ARHGEF7: variants seen among roughly 807,000 people sequenced by gnomAD.
ARHGEF7 encodes the protein PAK-interacting exchange factor beta.
In ARHGEF7, 33 loss-of-function variants were observed where a neutral mutation model predicts 109.8. The observed-to-expected ratio is 0.30, with a 90% CI of 0.23 to 0.40. ARHGEF7 has a LOEUF of 0.40. ARHGEF7 is among the 10% of genes least tolerant of loss of function. ARHGEF7 has a pLI of 1.00. For synonymous variants in ARHGEF7, 458 were observed against 424.6 expected, an observed-to-expected ratio of 1.08 and a Z score of -0.97; for missense variants, 938 against 1,098.5, an observed-to-expected ratio of 0.85 and a Z score of 2.07.
At position 111,299,337 on chromosome 13, in the gene ARHGEF7, A is replaced by ATTT. The variant is rs936360326; in HGVS notation, c.2312-1390_2312-1388dup. Among the ~76,000 whole-genome samples the ATTT allele has an allele frequency of 7.7e-3, 815 of 105,982 alleles. 4 individuals carry two copies. Among genetic ancestry groups the ATTT allele is most frequent in the East Asian group, 0.015 (54 of 3,514 alleles). 69.5% of individuals were successfully genotyped at this position (105,982 alleles called of 152,430 possible). A position where few individuals can be genotyped will look rare whatever the true frequency, so the allele number is the denominator to read the frequency against. On this transcript the variant is annotated intron_variant, in intron 19 of 21. Transcript: ENST00000646102. ...CAGTAAAATGCTGGTGAAGCCATTC[A>ATTT]TTTTTTTTTTTTTTTTTTTTTTTGA... is the stretch of plus-strand genomic sequence containing the variant.
intron 2 of ARHGEF7, among the ~76,000 whole-genome samples, chr13:111,159,300 A>G (rs1462205991): frequency 2.0e-5 from 3 of 152,056 alleles, no homozygotes; most frequent in African/African-American, 4.8e-5. Flanking sequence ...GGACACTTAG[A>G]TTGATTTTAT....
At chr13:111,251,860 C>T (rs994358836) in intron 8 of ARHGEF7, among the ~76,000 whole-genome samples, 3 of 152,242 alleles carry the variant, frequency 2.0e-5, no homozygotes, top group African/African-American at 7.2e-5. Flanking sequence ...CACATACACT[C>T]ATGCATGCAT....
intron 4 of ARHGEF7, among the ~76,000 whole-genome samples, chr13:111,211,701 C>T (rs1253401284): frequency 6.6e-6 from 1 of 152,130 alleles, no homozygotes. Flanking sequence ...TTAGGTTTTT[C>T]TGTGTAGTTT....
intron 9 of ARHGEF7, among the ~76,000 whole-genome samples, chr13:111,269,725 G>A (rs1050662798): frequency 2.0e-5 from 3 of 152,164 alleles, no homozygotes; most frequent in Non-Finnish European, 4.4e-5. Context: ...CGCCACTGTG[G>A]AACATGAAGC....
intron 1 of ARHGEF7, among the ~76,000 whole-genome samples, chr13:111,140,350 C>T (rs771471863): frequency 3.3e-5 from 5 of 152,230 alleles, no homozygotes; most frequent in Admixed American, 2.0e-4. Flanking sequence ...CAGCAGGTGG[C>T]GGGTGGGAAG....
intron 1 of ARHGEF7, among the ~76,000 whole-genome samples, chr13:111,149,147 C>T (rs1038885100): frequency 6.6e-6 from 1 of 151,900 alleles, no homozygotes; most frequent in African/African-American, 2.4e-5. Context: ...CGATGGCTCA[C>T]GCCTGTAATC....
In ARHGEF7 at chr13:111,234,825, C is replaced by T. The variant is rs376695586; in HGVS notation, c.759+1532C>T. Among the ~76,000 whole-genome samples, 44 of 152,200 alleles carry T rather than the reference C, an allele frequency of 2.9e-4. 1 individual carries two copies. The South Asian group carries it at 8.1e-3, about 28-fold the overall frequency. Reference sequence around the variant, plus strand: ...GAAGATCAGACTCCTTTTAGCGCGTCGTGTGGCCCACATTACCCGAGACAC... The same window carrying T: ...GAAGATCAGACTCCTTTTAGCGCGTTGTGTGGCCCACATTACCCGAGACAC... On this transcript the variant is annotated intron_variant, in intron 6 of 21. Transcript: ENST00000646102.
At chr13:111,173,876 T>A (rs539894869) in intron 2 of ARHGEF7, among the ~76,000 whole-genome samples, 1 of 152,330 alleles carries the variant, frequency 6.6e-6, no homozygotes, top group African/African-American at 2.4e-5. Context: ...TTCAGTTTTA[T>A]CAGGCTGCTT....
At chr13:111,224,418 T>C (rs1183599798) in intron 5 of ARHGEF7, among the ~76,000 whole-genome samples, 1 of 152,240 alleles carries the variant, frequency 6.6e-6, no homozygotes, top group African/African-American at 2.4e-5. Flanking sequence ...CAGTTTTCTG[T>C]GTGTGCATGT....
intron 2 of ARHGEF7, among the ~76,000 whole-genome samples, chr13:111,196,383 C>T (rs2080502886): frequency 6.6e-6 from 1 of 152,194 alleles, no homozygotes; most frequent in Non-Finnish European, 1.5e-5. Context: ...AACTCTCGGG[C>T]TGCAGCTAAA....
intron 4 of ARHGEF7, among the ~76,000 whole-genome samples, chr13:111,216,420 G>C: frequency 6.6e-6 from 1 of 151,998 alleles, no homozygotes. Flanking sequence ...GCCACCTGGT[G>C]GGGATAGAGG....
chr13:111,167,892 G>A (rs1432778781), intron 2 of ARHGEF7, among the ~76,000 whole-genome samples: 3 of 152,166 alleles, frequency 2.0e-5, no homozygotes, highest in African/African-American at 7.2e-5. Flanking sequence ...GCGTGACAGC[G>A]ACATAAGGCG....
At chr13:111,119,658 G>T (rs1457546214) in intron 1 of ARHGEF7, among the ~76,000 whole-genome samples, 1 of 152,178 alleles carries the variant, frequency 6.6e-6, no homozygotes, top group African/African-American at 2.4e-5. Flanking sequence ...CTGTAACCTG[G>T]CAGCCCTAGG....
intron 19 of ARHGEF7, among the ~76,000 whole-genome samples, chr13:111,296,773 G>A (rs185914360): frequency 6.6e-5 from 10 of 152,324 alleles, no homozygotes; most frequent in Admixed American, 2.0e-4. Context: ...GACTTCATCA[G>A]AGCCTGTACT....
intron 2 of ARHGEF7, among the ~76,000 whole-genome samples, chr13:111,177,989 A>G (rs1261452547): frequency 1.3e-5 from 2 of 152,208 alleles, no homozygotes; most frequent in African/African-American, 4.8e-5. Context: ...CTCCATGCGC[A>G]GGGAATTCTG....
intron 15 of ARHGEF7, among the ~76,000 whole-genome samples, chr13:111,282,608 A>C (rs2092829823): frequency 6.6e-6 from 1 of 152,206 alleles, no homozygotes; most frequent in Admixed American, 6.5e-5. Flanking sequence ...CCCTTGGAAC[A>C]CAACAGCAGT....
At chr13:111,133,714 G>T (rs2074907359) in intron 1 of ARHGEF7, among the ~76,000 whole-genome samples, 1 of 143,600 alleles carries the variant, frequency 7.0e-6, no homozygotes. Context: ...ACCACCCCCA[G>T]AGTTCCTGAT....
chr13:111,138,237 C>G (rs750260679), intron 1 of ARHGEF7, among the ~76,000 whole-genome samples: 1 of 152,072 alleles, frequency 6.6e-6, no homozygotes, highest in Non-Finnish European at 1.5e-5. Flanking sequence ...CGCTTGAACT[C>G]GGGAGGCAGA....
At chr13:111,280,243 T>G in intron 13 of ARHGEF7, 29 bp from the exon 14 acceptor site, 1 of 1,590,452 alleles carries the variant, frequency 6.3e-7, no homozygotes. Context: ...CTAATTGTTT[T>G]TTTTTTTGTG....
Sources: gnomAD v4.1 joint callset for allele counts (sites outside exome capture counted in the v4.1 genomes callset) on GRCh38, gnomAD v4.1.1 for gene constraint, MANE v1.5 for transcripts, NCBI Gene and HGNC (gene_info 2026-07-23, HGNC 2026-07-21) for gene names.